The following BCO1 variants were observed in gnomAD, a reference collection of about 807,000 sequenced individuals.
The protein encoded by BCO1 is beta,beta-carotene 15,15'-dioxygenase.
BCO1 carries 54 observed loss-of-function variants against 56.3 expected under a neutral mutation model. That is an observed-to-expected ratio of 0.96 (90% confidence interval 0.77 to 1.20). BCO1 has a LOEUF of 1.20. Ranked by LOEUF, BCO1 falls within the 50% of genes most tolerant of loss-of-function variation. The probability of loss-of-function intolerance (pLI) is 0.00; values close to 1 mark genes in which losing one functional copy is unlikely to be tolerated. For missense variants in BCO1, 801 were observed against 690.9 expected (o/e 1.16, Z -1.79); for synonymous variants, 318 against 266.1 (o/e 1.20, Z -1.90).
Position 81,238,697 on chromosome 16 carries a change from A to G in BCO1, c.-212A>G, listed in dbSNP as rs1325740594. 3.3e-6 allele frequency: 2 copies of G among 602,966 alleles called. No individual in the cohort carries two copies. The highest frequency in any genetic ancestry group is 6.0e-6 in the Non-Finnish European group (2 of 335,052). 37.4% of individuals were successfully genotyped at this position (602,966 alleles called of 1,614,324 possible). A position where few individuals can be genotyped will look rare whatever the true frequency, so the allele number is the denominator to read the frequency against. ...CCAGCGCAGCTTCCCTTGTGAATGT[A>G]AAGAGATCCAGGGCTCTTGGAGAGG... On this transcript the variant is annotated 5_prime_UTR_variant, in exon 1 of 11. It removes the in-frame stop codon of an upstream open reading frame in the 5' UTR. Transcript: ENST00000258168.
intron 5 of BCO1, among the ~76,000 whole-genome samples, chr16:81,265,918 A>G (rs1009254492): frequency 1.3e-5 from 2 of 149,466 alleles, no homozygotes; most frequent in Admixed American, 6.7e-5. Context: ...TCCATCTACC[A>G]TGTGCATCTA....
intron 3 of BCO1, chr16:81,261,819 G>T: frequency 2.8e-6 from 1 of 351,984 alleles, no homozygotes; most frequent in Non-Finnish European, 5.6e-6. Context: ...TCGGTTCACT[G>T]CAAGCTCCGC....
At position 81,274,447 on chromosome 16, in the gene BCO1, G is replaced by A. The variant is rs1276415810; in HGVS notation, c.1101+4031G>A. Among the ~76,000 whole-genome samples the A allele has an allele frequency of 2.6e-5, 4 of 152,032 alleles. No homozygotes were observed. In the East Asian group the frequency reaches 7.8e-4, roughly 30 times the overall value. On this transcript the variant is annotated intron_variant, in intron 7 of 10. Coordinates refer to ENST00000258168, the MANE Select transcript of BCO1 (RefSeq NM_017429.3). ...CCTGGCTTATTGTTTTGTATTTTTG[G>A]TAGAGACGGGGTTTCACCGTATTAG...
At chr16:81,268,241 G>A (rs1906958553) in intron 6 of BCO1, 110 bp downstream of exon 6, 3 of 984,674 alleles carry the variant, frequency 3.0e-6, no homozygotes, top group Non-Finnish European at 3.1e-6. Flanking sequence ...AGAGGGAGGA[G>A]GCTACCAGAG....
At chr16:81,259,024 C>G (rs1906316663) in intron 2 of BCO1, among the ~76,000 whole-genome samples, 1 of 152,100 alleles carries the variant, frequency 6.6e-6, no homozygotes, top group Non-Finnish European at 1.5e-5. Flanking sequence ...ATCACCAGAA[C>G]AACACTAAGC....
At position 81,279,539 on chromosome 16, in the gene BCO1, C is replaced by T. The variant is rs534890594; in HGVS notation, c.1102-1318C>T. ...CATCTAGCACTTATTGTGAAGCAGGCATTCTTGTGAATCATTTGTGCAGAT... is the reference window on the plus strand; with the variant it reads ...CATCTAGCACTTATTGTGAAGCAGGTATTCTTGTGAATCATTTGTGCAGAT... On this transcript the variant is annotated intron_variant, in intron 7 of 10. Transcript: ENST00000258168. Among the ~76,000 whole-genome samples, 4 of 152,272 alleles carry T rather than the reference C, an allele frequency of 2.6e-5. No homozygotes were observed. The East Asian group carries it at 7.7e-4, about 29-fold the overall frequency.
In BCO1 at chr16:81,280,655, G is replaced by A. The variant is rs183998839; in HGVS notation, c.1102-202G>A. On this transcript the variant is annotated intron_variant, in intron 7 of 10. Transcript: ENST00000258168. ...CACCTACCAGGTATGTGACCTTGGA[G>A]GAGTCACCTTAAATGGCCAATCCTC... 2.6e-5 allele frequency among the ~76,000 whole-genome samples: 4 copies of A among 152,260 alleles called. No individual in the cohort carries two copies. The East Asian group carries it at 7.7e-4, about 29-fold the overall frequency.
At chr16:81,255,989 T>C (rs1056336187) in intron 2 of BCO1, among the ~76,000 whole-genome samples, 2 of 149,684 alleles carry the variant, frequency 1.3e-5, no homozygotes, top group Admixed American at 1.3e-4. Context: ...ATTTTTTTTG[T>C]ATTTTTAGTA....
chr16:81,254,352 T>C (rs1313581456), intron 2 of BCO1, among the ~76,000 whole-genome samples: 1 of 135,526 alleles, frequency 7.4e-6, no homozygotes, highest in Non-Finnish European at 1.5e-5. Context: ...GGTTTCACCA[T>C]GTTGACCAGG....
At chr16:81,251,810 T>C (rs918558502) in intron 2 of BCO1, among the ~76,000 whole-genome samples, 3 of 151,144 alleles carry the variant, frequency 2.0e-5, no homozygotes, top group African/African-American at 7.3e-5. Context: ...GATTTGAACA[T>C]TGGAAAGTTT....
At chr16:81,265,606 A>G (rs1353146382) in intron 5 of BCO1, among the ~76,000 whole-genome samples, 1 of 137,386 alleles carries the variant, frequency 7.3e-6, no homozygotes, top group African/African-American at 2.8e-5. Context: ...TCATTCATCC[A>G]TCCATCCACC....
intron 7 of BCO1, among the ~76,000 whole-genome samples, chr16:81,271,512 A>G (rs1019824327): frequency 3.3e-5 from 5 of 151,970 alleles, no homozygotes; most frequent in Admixed American, 1.3e-4. Context: ...ATCACCTCCA[A>G]AACACACCCC....
chr16:81,285,702 A>C, intron 9 of BCO1, 68 bp downstream of exon 9: 1 of 1,218,828 alleles, frequency 8.2e-7, no homozygotes, highest in Non-Finnish European at 1.2e-6. Flanking sequence ...GCTGAATTCT[A>C]AGGTTCTGAG....
chr16:81,253,619 G>A (rs932123993), intron 2 of BCO1, among the ~76,000 whole-genome samples: 5 of 152,078 alleles, frequency 3.3e-5, no homozygotes, highest in African/African-American at 1.2e-4. Context: ...GCTCCTAACC[G>A]TTCCTCCATA....
chr16:81,242,921 C>T (rs961393530), intron 1 of BCO1, among the ~76,000 whole-genome samples: 11 of 152,136 alleles, frequency 7.2e-5, no homozygotes, highest in East Asian at 3.9e-4. Context: ...CTAGGTTGTG[C>T]GCTCCTTATA....
chr16:81,260,411 A>G (rs1353672523), intron 3 of BCO1, among the ~76,000 whole-genome samples: 2 of 152,210 alleles, frequency 1.3e-5, no homozygotes, highest in East Asian at 3.8e-4. Flanking sequence ...GTACATGCAT[A>G]AAGAAACTAG....
intron 3 of BCO1, among the ~76,000 whole-genome samples, chr16:81,260,669 C>G (rs1004263913): frequency 6.6e-6 from 1 of 152,042 alleles, no homozygotes; most frequent in African/African-American, 2.4e-5. Flanking sequence ...CCACCACGCC[C>G]GGCTAATTTT....
At position 81,280,980 on chromosome 16, in the gene BCO1, G is replaced by C. The variant is rs1907849310; in HGVS notation, c.1207+18G>C. The stretch of plus-strand genomic sequence containing the variant: ...TTATGAAGGTAAAATGCATCCTCTT[G>C]TCCTGAGTTTAGGAAAGGGGCAGAT... On this transcript the variant is annotated intron_variant, in intron 8 of 10. Transcript: ENST00000258168. 6.9e-6 allele frequency: 11 copies of C among 1,583,604 alleles called. No individual in the cohort carries two copies. Among genetic ancestry groups the C allele is most frequent in the Non-Finnish European group, 9.5e-6 (11 of 1,152,858 alleles).
intron 2 of BCO1, among the ~76,000 whole-genome samples, chr16:81,256,134 G>A (rs1336341722): frequency 2.7e-5 from 4 of 150,536 alleles, no homozygotes; most frequent in Non-Finnish European, 4.4e-5. Context: ...TTTTTTTCCA[G>A]CGAATGCATT....
Sources: gnomAD v4.1 joint callset for allele counts (sites outside exome capture counted in the v4.1 genomes callset) on GRCh38, gnomAD v4.1.1 for gene constraint, MANE v1.5 for transcripts, NCBI Gene and HGNC (gene_info 2026-07-23, HGNC 2026-07-21) for gene names.